ARHGAP32: variants seen among roughly 807,000 people sequenced by gnomAD.
ARHGAP32 encodes the protein rho GTPase-activating protein 32.
In ARHGAP32, 51 loss-of-function variants were observed where a neutral mutation model predicts 186.5. The observed-to-expected ratio is 0.27, with a 90% CI of 0.22 to 0.35. The LOEUF is 0.35. Ranked by LOEUF, ARHGAP32 falls within the 10% of genes least tolerant of loss-of-function variation. ARHGAP32 has a pLI of 1.00. For synonymous variants in ARHGAP32, 950 were observed against 964.3 expected (o/e 0.99, Z 0.27); for missense variants, 2,186 against 2,623.5 (o/e 0.83, Z 3.64).
chr11:129,197,014 G>A (rs535013879), upstream of ARHGAP32, among the ~76,000 whole-genome samples: 1 of 152,042 alleles, frequency 6.6e-6, no homozygotes, highest in East Asian at 1.9e-4. Context: ...CCAAGAGCGC[G>A]CCACTGCACT....
chr11:129,268,041 G>A (rs1311906539), intron 1 of ARHGAP32, among the ~76,000 whole-genome samples: 1 of 152,154 alleles, frequency 6.6e-6, no homozygotes, highest in African/African-American at 2.4e-5. Context: ...CAACTTCAAT[G>A]CTGAGGATCA....
chr11:129,046,173 G>A (rs543849346), intron 10 of ARHGAP32, among the ~76,000 whole-genome samples: 8 of 152,062 alleles, frequency 5.3e-5, no homozygotes, highest in African/African-American at 1.9e-4. Flanking sequence ...ACACAAAATT[G>A]GAAAGAGAAG....
intron 5 of ARHGAP32, among the ~76,000 whole-genome samples, chr11:129,105,074 T>C (rs1004284327): frequency 1.3e-5 from 2 of 152,134 alleles, no homozygotes; most frequent in African/African-American, 4.8e-5. Flanking sequence ...TTTCACCTAA[T>C]ATGGAACTCA....
chr11:129,170,279 G>A (rs571524591), intron 1 of ARHGAP32, among the ~76,000 whole-genome samples: 7 of 150,124 alleles, frequency 4.7e-5, no homozygotes, highest in Non-Finnish European at 8.9e-5. Context: ...CATGTGCCAT[G>A]GTGGTTTGTG....
intron 1 of ARHGAP32, among the ~76,000 whole-genome samples, chr11:129,257,093 T>C (rs1591723080): frequency 6.6e-6 from 1 of 152,140 alleles, no homozygotes; most frequent in Non-Finnish European, 1.5e-5. Flanking sequence ...ACATTGATAG[T>C]TTTTAAGCTA....
intron 10 of ARHGAP32, among the ~76,000 whole-genome samples, chr11:129,053,531 T>C (rs1365615685): frequency 2.0e-5 from 3 of 152,182 alleles, no homozygotes; most frequent in African/African-American, 7.2e-5. Context: ...ATTCATTAAA[T>C]TATTACCATG....
At chr11:129,050,578 C>G (rs1013289940) in intron 10 of ARHGAP32, among the ~76,000 whole-genome samples, 2 of 152,134 alleles carry the variant, frequency 1.3e-5, no homozygotes, top group East Asian at 1.9e-4. Flanking sequence ...TTCTCCCAGT[C>G]TGTGGTTTGT....
At chr11:129,214,421 T>C (rs1254955649) in intron 1 of ARHGAP32, among the ~76,000 whole-genome samples, 2 of 152,184 alleles carry the variant, frequency 1.3e-5, no homozygotes, top group African/African-American at 4.8e-5. Flanking sequence ...AATAAAAATG[T>C]TTTTTAATTG....
rs766184757 is a variant in ARHGAP32, at chr11:128,972,638, T to G, written c.3868A>C (p.Lys1290Gln). ...TCAGCCACATCCCAGCTGGCTTCCT[T>G]GGTGCTCATTTGGGCTGTTGCTGGA... ...TTPATAQMST[K>Q]EASWDVAEQP... The change falls in exon 22 of 23, where the codon AAG (lysine) becomes CAG (glutamine). Residue 1290 changes from lysine to glutamine, a missense_variant. Lys to Gln is a moderately conservative substitution (Grantham distance 53). Transcript: ENST00000682385. 6.2e-7 allele frequency: 1 copy of G among 1,612,964 alleles called. No individual in the cohort carries two copies.
intron 1 of ARHGAP32, among the ~76,000 whole-genome samples, chr11:129,269,511 G>A (rs1418768127): frequency 6.6e-6 from 1 of 152,054 alleles, no homozygotes; most frequent in African/African-American, 2.4e-5. Flanking sequence ...TGGATCCTTT[G>A]AACCCAAGAG....
intron 11 of ARHGAP32, among the ~76,000 whole-genome samples, chr11:129,021,274 TAAC>T (rs1938580980): frequency 6.6e-6 from 1 of 151,952 alleles, no homozygotes; most frequent in African/African-American, 2.4e-5. Flanking sequence ...ACAGAAGAGG[TAAC>T]AACAATTCAC....
chr11:129,227,359 T>A (rs372114138), intron 1 of ARHGAP32, among the ~76,000 whole-genome samples: 1 of 149,926 alleles, frequency 6.7e-6, no homozygotes, highest in South Asian at 2.1e-4. Flanking sequence ...TGGGAAAAAA[T>A]TACGTAAGAC....
intron 9 of ARHGAP32, 38 bp downstream of exon 9, chr11:129,063,864 C>G (rs369532551): frequency 6.4e-7 from 1 of 1,573,508 alleles, no homozygotes; most frequent in Non-Finnish European, 8.6e-7. Flanking sequence ...AGAAAGTTAG[C>G]AAGAACCAAA....
At chr11:129,062,203 C>A in intron 10 of ARHGAP32, 77 bp downstream of exon 10, 3 of 1,221,266 alleles carry the variant, frequency 2.5e-6, no homozygotes, top group Non-Finnish European at 3.6e-6. Context: ...ATTACCAGCA[C>A]ATGTAAACAA....
intron 2 of ARHGAP32, among the ~76,000 whole-genome samples, chr11:129,159,766 A>C (rs933726862): frequency 5.9e-5 from 9 of 152,026 alleles, no homozygotes; most frequent in African/African-American, 2.2e-4. Context: ...GAGACACAAC[A>C]AAAAAACTAA....
intron 5 of ARHGAP32, among the ~76,000 whole-genome samples, chr11:129,106,654 G>C (rs1026316096): frequency 1.3e-5 from 2 of 152,032 alleles, no homozygotes; most frequent in African/African-American, 4.8e-5. Context: ...AAATACACTT[G>C]TACATGTACT....
At chr11:128,989,073 G>A (rs765317976) in intron 12 of ARHGAP32, among the ~76,000 whole-genome samples, 1 of 152,018 alleles carries the variant, frequency 6.6e-6, no homozygotes, top group Admixed American at 6.6e-5. Context: ...AAACAAATAA[G>A]GCATTTTAAT....
intron 12 of ARHGAP32, among the ~76,000 whole-genome samples, chr11:128,996,340 T>C (rs1946198855): frequency 2.0e-5 from 3 of 152,216 alleles, no homozygotes; most frequent in Admixed American, 2.0e-4. Flanking sequence ...TCTCATACAC[T>C]GTAATAGCAG....
At chr11:129,038,473 T>C (rs1939446954) in intron 11 of ARHGAP32, among the ~76,000 whole-genome samples, 1 of 151,980 alleles carries the variant, frequency 6.6e-6, no homozygotes, top group African/African-American at 2.4e-5. Flanking sequence ...AAGTAAAAAC[T>C]TGTATGCATC....
Sources: allele counts gnomAD v4.1 joint callset (sites outside exome capture counted in the v4.1 genomes callset), GRCh38; gene constraint gnomAD v4.1.1; transcripts MANE v1.5; gene names NCBI Gene and HGNC (gene_info 2026-07-23, HGNC 2026-07-21).